Variants in CD28 observed in about 807,000 individuals in gnomAD.
CD28 encodes CD28 molecule.
A neutral mutation model predicts 21.4 loss-of-function variants in CD28; 8 were observed. The observed-to-expected ratio is 0.37, with a 90% confidence interval of 0.22 to 0.68. The LOEUF (loss-of-function observed/expected upper bound fraction) is 0.68. Ranked by LOEUF, CD28 falls within the 30% of genes least tolerant of loss-of-function variation. The pLI is 0.55. For missense variants in CD28, 239 were observed against 272.2 expected, an observed-to-expected ratio of 0.88 and a Z score of 0.86; for synonymous variants, 106 against 104.0, an observed-to-expected ratio of 1.02 and a Z score of -0.12.
At chr2:203,725,557 G>A (rs1254476453) in intron 1 of CD28, among the ~76,000 whole-genome samples, 1 of 151,956 alleles carries the variant, frequency 6.6e-6, no homozygotes, top group African/African-American at 2.4e-5. Context: ...AGATCAATGT[G>A]TTCTCTTCAC....
At position 203,737,837 on chromosome 2, in the gene CD28, T is replaced by C. The variant is rs1694077305; in HGVS notation, c.*2925T>C. 1 of 152,666 alleles carries C rather than the reference T, an allele frequency of 6.6e-6. No homozygotes were observed. The highest frequency in any genetic ancestry group is 2.4e-5 in the African/African-American group (1 of 41,468). 9.5% of individuals were successfully genotyped at this position (152,666 alleles called of 1,614,324 possible). A position where few individuals can be genotyped will look rare whatever the true frequency, so the allele number is the denominator to read the frequency against. On this transcript the variant is annotated 3_prime_UTR_variant, in exon 4 of 4. Transcript: ENST00000324106. The stretch of plus-strand genomic sequence containing the variant: ...GTGATAAAATTACTAAACTACTATA[T>C]GTCTGCTTTAAATTTGTACTTTAAT...
At chr2:203,707,793 G>A (rs1324795169) in intron 1 of CD28, among the ~76,000 whole-genome samples, 1 of 152,220 alleles carries the variant, frequency 6.6e-6, no homozygotes, top group Non-Finnish European at 1.5e-5. Flanking sequence ...TCCAGTGCCG[G>A]TGTTGTTGAT....
intron 1 of CD28, among the ~76,000 whole-genome samples, chr2:203,715,179 A>G (rs1462635766): frequency 6.6e-6 from 1 of 152,200 alleles, no homozygotes; most frequent in Non-Finnish European, 1.5e-5. Flanking sequence ...GAAAATAATA[A>G]ATTAATAGAG....
chr2:203,727,950 T>TGCC, intron 2 of CD28, among the ~76,000 whole-genome samples: 1 of 152,176 alleles, frequency 6.6e-6, no homozygotes, highest in Non-Finnish European at 1.5e-5. Flanking sequence ...GTGCTGGGAT[T>TGCC]ACAGGCGTGA....
At chr2:203,710,888 A>G (rs1169843954) in intron 1 of CD28, among the ~76,000 whole-genome samples, 1 of 152,156 alleles carries the variant, frequency 6.6e-6, no homozygotes, top group African/African-American at 2.4e-5. Context: ...CATGTTGGTT[A>G]AATTTTTGTT....
In CD28 at chr2:203,731,698, C is replaced by CTCACTTTCAATGAATTTAAACCGT. The variant is rs574307643; in HGVS notation, c.534+1937_534+1960dup. 4.7e-3 allele frequency among the ~76,000 whole-genome samples: 710 copies of CTCACTTTCAATGAATTTAAACCGT among 152,322 alleles called. 6 individuals carry two copies. Among genetic ancestry groups the CTCACTTTCAATGAATTTAAACCGT allele is most frequent in the African/African-American group, 0.016 (668 of 41,544 alleles). On this transcript the variant is annotated intron_variant, in intron 3 of 3. Coordinates refer to ENST00000324106, the MANE Select transcript of CD28 (RefSeq NM_006139.4). ...TCACCCAAAGGGACAAAAGCAGCTT[C>CTCACTTTCAATGAATTTAAACCGT]TCACTTTCAATGAATTTAAACCGTT...
Position 203,734,967 on chromosome 2 carries a change from ACTGCT to A in CD28, c.*59_*63del. 2 of 1,592,106 alleles carry A rather than the reference ACTGCT, an allele frequency of 1.3e-6. No individual in the cohort carries two copies. Among genetic ancestry groups the A allele is most frequent in the South Asian group, 2.3e-5 (2 of 87,686 alleles). On this transcript the variant is annotated 3_prime_UTR_variant, in exon 4 of 4. Transcript: ENST00000324106. Reference sequence around the variant, plus strand: ...TGGCAGCCCCCATCTGCTCAATATCACTGCTCTGGATAGGAAATGACCGCCATCTC... The same window carrying A: ...TGGCAGCCCCCATCTGCTCAATATCACTGGATAGGAAATGACCGCCATCTC...
intron 1 of CD28, among the ~76,000 whole-genome samples, chr2:203,721,512 TC>T (rs1402430625): frequency 2.6e-5 from 4 of 151,856 alleles, no homozygotes; most frequent in African/African-American, 9.7e-5. Flanking sequence ...TGTCTTATCC[TC>T]CCCACAGTCC....
At chr2:203,724,964 A>T (rs1410136703) in intron 1 of CD28, among the ~76,000 whole-genome samples, 1 of 152,218 alleles carries the variant, frequency 6.6e-6, no homozygotes, top group Non-Finnish European at 1.5e-5. Context: ...TTGAAATTTG[A>T]ATCAAAGACA....
chr2:203,724,451 C>G (rs1485799704), intron 1 of CD28, among the ~76,000 whole-genome samples: 1 of 152,176 alleles, frequency 6.6e-6, no homozygotes, highest in Admixed American at 6.5e-5. Context: ...TCCTTCCCCC[C>G]AGCCTAGACC....
intron 3 of CD28, among the ~76,000 whole-genome samples, chr2:203,733,741 A>T (rs1472634961): frequency 6.6e-6 from 1 of 152,232 alleles, no homozygotes; most frequent in African/African-American, 2.4e-5. Context: ...GAGAGTTATC[A>T]ATAGTATAGA....
At position 203,737,557 on chromosome 2, in the gene CD28, A is replaced by G. The variant is rs920071741; in HGVS notation, c.*2645A>G. Reference sequence around the variant, plus strand: ...TACTCACTCTGCACAGAAACAAAGAAGAAATGTTATACAGGGAAGTCCGTT... The same window carrying G: ...TACTCACTCTGCACAGAAACAAAGAGGAAATGTTATACAGGGAAGTCCGTT... On this transcript the variant is annotated 3_prime_UTR_variant, in exon 4 of 4. Transcript: ENST00000324106. 3 of 152,662 alleles carry G rather than the reference A, an allele frequency of 2.0e-5. No individual in the cohort carries two copies. Among genetic ancestry groups the G allele is most frequent in the Admixed American group, 2.0e-4 (3 of 15,284 alleles). 9.5% of individuals were successfully genotyped at this position (152,662 alleles called of 1,614,324 possible). A position where few individuals can be genotyped will look rare whatever the true frequency, so the allele number is the denominator to read the frequency against.
At chr2:203,715,510 T>G (rs1261477208) in intron 1 of CD28, among the ~76,000 whole-genome samples, 2 of 152,106 alleles carry the variant, frequency 1.3e-5, no homozygotes, top group African/African-American at 4.8e-5. Flanking sequence ...TTGCTTTGGG[T>G]TAGGAAGTTT....
At chr2:203,714,779 C>T (rs1693421454) in intron 1 of CD28, among the ~76,000 whole-genome samples, 1 of 152,178 alleles carries the variant, frequency 6.6e-6, no homozygotes, top group Non-Finnish European at 1.5e-5. Context: ...AGAGCAAATA[C>T]AAGAAATTAG....
intron 1 of CD28, among the ~76,000 whole-genome samples, chr2:203,713,888 A>AGT (rs140297564): frequency 0.15 from 21,157 of 145,198 alleles, 1,704 homozygotes; most frequent in Non-Finnish European, 0.19. Flanking sequence ...AGAGAGAGAG[A>AGT]GTGTGTGTGT....
chr2:203,713,440 G>A (rs575737075), intron 1 of CD28, among the ~76,000 whole-genome samples: 10 of 152,272 alleles, frequency 6.6e-5, no homozygotes, highest in African/African-American at 2.2e-4. Context: ...GACAAAGAAA[G>A]TGGTGAGAGA....
intron 3 of CD28, among the ~76,000 whole-genome samples, chr2:203,731,936 A>T (rs1423236064): frequency 6.6e-6 from 1 of 152,142 alleles, no homozygotes. Context: ...TCTGCATCTC[A>T]AACCTGGGTC....
In CD28 at chr2:203,732,045, G is replaced by C. The variant is rs78307830; in HGVS notation, c.534+2273G>C. ...CTGGGCTCATCTTTTCCTGCTGTTG[G>C]TATTTAAGCAACAAGTACCTTGCTG... is the stretch of plus-strand genomic sequence containing the variant. On this transcript the variant is annotated intron_variant, in intron 3 of 3. Coordinates refer to ENST00000324106, the MANE Select transcript of CD28 (RefSeq NM_006139.4). Among the ~76,000 whole-genome samples the C allele has an allele frequency of 9.5e-3, 1,449 of 152,230 alleles. 11 individuals are homozygous for C. The highest frequency in any genetic ancestry group is 0.04 in the East Asian group (209 of 5,188).
chr2:203,721,923 C>A (rs1487797415), intron 1 of CD28, among the ~76,000 whole-genome samples: 4 of 152,226 alleles, frequency 2.6e-5, no homozygotes, highest in African/African-American at 9.6e-5. Context: ...GATGCCACAG[C>A]TTTTCTTCCT....
Sources: allele counts gnomAD v4.1 joint callset (sites outside exome capture counted in the v4.1 genomes callset), GRCh38; gene constraint gnomAD v4.1.1; transcripts MANE v1.5; gene names NCBI Gene and HGNC (gene_info 2026-07-23, HGNC 2026-07-21).